SLC25A27: variants seen among roughly 807,000 people sequenced by gnomAD.
SLC25A27 encodes solute carrier family 25 member 27.
SLC25A27 carries 35 observed loss-of-function variants against 49.1 expected under a neutral mutation model. That is an observed-to-expected ratio of 0.71 (90% CI 0.54 to 0.95). SLC25A27 has a LOEUF of 0.95. SLC25A27 is among the 40% of genes least tolerant of loss of function. The pLI, the probability that SLC25A27 is intolerant of heterozygous loss-of-function variation, is 0.00. For missense variants in SLC25A27, 339 were observed against 397.1 expected (o/e 0.85, Z 1.24); for synonymous variants, 144 against 136.9 (o/e 1.05, Z -0.36).
intron 3 of SLC25A27, among the ~76,000 whole-genome samples, chr6:46,660,618 A>G (rs1007037948): frequency 1.3e-5 from 2 of 152,164 alleles, no homozygotes; most frequent in African/African-American, 4.8e-5. Flanking sequence ...GTTATGATAT[A>G]TTTATGGCAT....
chr6:46,654,842 C>T (rs1762920109), intron 1 of SLC25A27, among the ~76,000 whole-genome samples: 1 of 152,134 alleles, frequency 6.6e-6, no homozygotes, highest in South Asian at 2.1e-4. Flanking sequence ...ATTCACTTCC[C>T]TTCCCCACAT....
At chr6:46,675,385 C>G (rs757180484) in intron 8 of SLC25A27, among the ~76,000 whole-genome samples, 5 of 152,146 alleles carry the variant, frequency 3.3e-5, no homozygotes, top group Non-Finnish European at 7.4e-5. Context: ...AATATGGTAT[C>G]ATCGTAGCTT....
chr6:46,653,617 T>C, intron 1 of SLC25A27: 17 of 985,448 alleles, frequency 1.7e-5, no homozygotes, highest in Non-Finnish European at 2.0e-5. Context: ...ATGACCTTTT[T>C]AAAAACGTAA....
At chr6:46,669,083 T>G (rs367786645) in intron 6 of SLC25A27, among the ~76,000 whole-genome samples, 1 of 152,174 alleles carries the variant, frequency 6.6e-6, no homozygotes, top group Non-Finnish European at 1.5e-5. Context: ...TCAACAGATA[T>G]GTTTGAGTGC....
chr6:46,669,269 A>G lies in SLC25A27; in HGVS notation c.704+476A>G, dbSNP rs148631543. ...GGGTTCAGGGGAAGGAAAAAACATA[A>G]CCACTTGGAAGGATCCACAAAGGAG... is the stretch of plus-strand genomic sequence containing the variant. On this transcript the variant is annotated intron_variant, in intron 6 of 8. Coordinates refer to ENST00000371347, the MANE Select transcript of SLC25A27 (RefSeq NM_004277.5). Among the ~76,000 whole-genome samples the G allele has an allele frequency of 3.3e-3, 505 of 152,276 alleles. 3 individuals are homozygous for G. Among genetic ancestry groups the G allele is most frequent in the African/African-American group, 0.012 (482 of 41,554 alleles).
chr6:46,664,521 G>A (rs1182690938), intron 4 of SLC25A27, among the ~76,000 whole-genome samples: 3 of 152,114 alleles, frequency 2.0e-5, no homozygotes, highest in Non-Finnish European at 4.4e-5. Flanking sequence ...AATAATCTGA[G>A]AAGAGGATGA....
chr6:46,666,416 T>G (rs1763327119), intron 5 of SLC25A27, among the ~76,000 whole-genome samples: 1 of 152,232 alleles, frequency 6.6e-6, no homozygotes, highest in Non-Finnish European at 1.5e-5. Flanking sequence ...TAATCCTTTC[T>G]AAGACTAATT....
chr6:46,653,213 G>A lies in SLC25A27; in HGVS notation c.21G>A (p.Glu7=). The A allele has an allele frequency of 1.2e-6, 2 of 1,613,636 alleles. No homozygotes were observed. The highest frequency in any genetic ancestry group is 1.7e-6 in the Non-Finnish European group (2 of 1,179,736). The part of the protein sequence containing the change: MSVPEE[E]ERLLPLTQRW... ...GCTGAATGTCCGTCCCGGAGGAGGAGGAGAGGCTTTTGCCGCTGACCCAGA... is the reference window on the plus strand; with the variant it reads ...GCTGAATGTCCGTCCCGGAGGAGGAAGAGAGGCTTTTGCCGCTGACCCAGA... Residue 7 remains glutamate (E), a synonymous_variant, in exon 1 of 9, where the codon GAG becomes GAA. Transcript: ENST00000371347.
chr6:46,676,581 A>AG lies in SLC25A27; in HGVS notation c.*132dup. 6.4e-7 allele frequency: 1 copy of AG among 1,571,642 alleles called. No individual in the cohort carries two copies. The highest frequency in any genetic ancestry group is 1.9e-5 in the Admixed American group (1 of 53,598). The stretch of plus-strand genomic sequence containing the variant: ...ACCTATTCCACAGAGACTGATTTAT[A>AG]GGGGGCAGCACTTTATTTTTTTCTG... On this transcript the variant is annotated 3_prime_UTR_variant, in exon 9 of 9. Coordinates refer to ENST00000371347, the MANE Select transcript of SLC25A27 (RefSeq NM_004277.5).
intron 6 of SLC25A27, among the ~76,000 whole-genome samples, chr6:46,669,584 G>A (rs9472815): frequency 0.034 from 5,242 of 152,254 alleles, 232 homozygotes; most frequent in African/African-American, 0.11. Context: ...GGGTGTGTGT[G>A]TGCACGCGCA....
At chr6:46,667,108 ACTAC>A in intron 5 of SLC25A27, among the ~76,000 whole-genome samples, 1 of 152,204 alleles carries the variant, frequency 6.6e-6, no homozygotes, top group Non-Finnish European at 1.5e-5. Flanking sequence ...TACCTTTGCT[ACTAC>A]CTTATTTTTT....
intron 4 of SLC25A27, among the ~76,000 whole-genome samples, chr6:46,662,824 G>A (rs1763203218): frequency 6.6e-6 from 1 of 152,146 alleles, no homozygotes; most frequent in African/African-American, 2.4e-5. Flanking sequence ...TTGCCACTGT[G>A]GCTTGGTGTT....
At chr6:46,665,531 A>G (rs545799266) in intron 5 of SLC25A27, among the ~76,000 whole-genome samples, 53 of 152,094 alleles carry the variant, frequency 3.5e-4, no homozygotes, top group East Asian at 1.7e-3. Context: ...TAAAAAATAC[A>G]AAAAATTAGC....
intron 2 of SLC25A27, among the ~76,000 whole-genome samples, chr6:46,656,936 C>T (rs909243722): frequency 6.6e-5 from 10 of 152,280 alleles, no homozygotes; most frequent in Non-Finnish European, 1.3e-4. Flanking sequence ...AAAGCCGAGG[C>T]GGGATAATTG....
intron 7 of SLC25A27, 129 bp from the exon 8 acceptor site, chr6:46,670,997 T>A (rs1366177707): frequency 1.7e-6 from 1 of 598,344 alleles, no homozygotes. Flanking sequence ...CCCAAAGTGC[T>A]GGGATTACAG....
chr6:46,673,096 G>T (rs1035789593), intron 8 of SLC25A27, among the ~76,000 whole-genome samples: 3 of 152,120 alleles, frequency 2.0e-5, no homozygotes, highest in African/African-American at 4.8e-5. Context: ...TAACACTGAG[G>T]AATAACATAG....
At chr6:46,665,388 A>G (rs984010492) in intron 5 of SLC25A27, among the ~76,000 whole-genome samples, 1 of 152,210 alleles carries the variant, frequency 6.6e-6, no homozygotes, top group African/African-American at 2.4e-5. Context: ...AATATTTCTT[A>G]AAAGTTTTTC....
intron 8 of SLC25A27, 79 bp downstream of exon 8, chr6:46,671,307 C>T: frequency 1.2e-6 from 1 of 833,902 alleles, no homozygotes; most frequent in Non-Finnish European, 1.8e-6. Flanking sequence ...TCCCTTTTCT[C>T]TTCTGGTTTG....
At chr6:46,653,527 C>G in intron 1 of SLC25A27, 1 of 985,452 alleles carries the variant, frequency 1.0e-6, no homozygotes, top group South Asian at 4.7e-5. Context: ...TAGGCATGTG[C>G]TGTGGTGCTT....
Sources: gnomAD v4.1 joint callset for allele counts (sites outside exome capture counted in the v4.1 genomes callset) on GRCh38, gnomAD v4.1.1 for gene constraint, MANE v1.5 for transcripts, NCBI Gene and HGNC (gene_info 2026-07-23, HGNC 2026-07-21) for gene names.